NELL1: variants seen among roughly 807,000 people sequenced by gnomAD.
NELL1 encodes protein kinase C-binding protein NELL1.
In NELL1, 76 loss-of-function variants were observed where a neutral mutation model predicts 107.4. That is an observed-to-expected ratio of 0.71 (90% CI 0.59 to 0.86). NELL1 has a LOEUF of 0.86. Among genes scored for constraint, NELL1 ranks in the 40% least tolerant of loss-of-function variants. The probability of loss-of-function intolerance (pLI) is 0.00; values close to 1 mark genes in which losing one functional copy is unlikely to be tolerated. For missense variants in NELL1, 1,024 were observed against 1,005.5 expected, an observed-to-expected ratio of 1.02 and a Z score of -0.25; for synonymous variants, 353 against 341.2, an observed-to-expected ratio of 1.03 and a Z score of -0.38.
At chr11:21,499,360 C>T (rs897444135) in intron 15 of NELL1, among the ~76,000 whole-genome samples, 27 of 152,166 alleles carry the variant, frequency 1.8e-4, no homozygotes, top group African/African-American at 6.3e-4. Context: ...TATTTTCACA[C>T]TCATATATAT....
intron 12 of NELL1, among the ~76,000 whole-genome samples, chr11:21,099,218 CACACACACACACACAA>C (rs1276918670): frequency 5.6e-5 from 8 of 143,006 alleles, no homozygotes; most frequent in African/African-American, 1.6e-4. Context: ...CACACACACA[CACACACACACACACAA>C]ACACACACAC....
At chr11:21,290,157 C>G (rs547821113) in intron 14 of NELL1, among the ~76,000 whole-genome samples, 1 of 152,162 alleles carries the variant, frequency 6.6e-6, no homozygotes, top group Non-Finnish European at 1.5e-5. Flanking sequence ...ATCACGAGGT[C>G]AGGAGATCGA....
intron 14 of NELL1, among the ~76,000 whole-genome samples, chr11:21,353,219 G>A (rs1181480059): frequency 6.6e-6 from 1 of 152,132 alleles, no homozygotes; most frequent in Non-Finnish European, 1.5e-5. Flanking sequence ...GCATGATTGA[G>A]GAACTATACC....
intron 2 of NELL1, chr11:20,769,615 G>C (rs1856601841): frequency 6.6e-6 from 1 of 152,390 alleles, no homozygotes; most frequent in Non-Finnish European, 1.5e-5. Flanking sequence ...TTTTGGATTC[G>C]AGGAGGAAAA....
At chr11:21,233,744 G>T (rs569298232) in intron 14 of NELL1, among the ~76,000 whole-genome samples, 11 of 152,284 alleles carry the variant, frequency 7.2e-5, no homozygotes, top group South Asian at 2.1e-4. Context: ...TCCCAGTCCT[G>T]CATTAATGCC....
At chr11:20,674,648 G>T (rs912806080) in intron 1 of NELL1, 44 of 836,742 alleles carry the variant, frequency 5.3e-5, no homozygotes, top group Non-Finnish European at 9.8e-6. Context: ...AAGGGCACAG[G>T]GTTAGTAGAG....
intron 14 of NELL1, among the ~76,000 whole-genome samples, chr11:21,325,260 G>A (rs1850105001): frequency 6.6e-6 from 1 of 151,824 alleles, no homozygotes; most frequent in African/African-American, 2.4e-5. Context: ...ACTTGTTTTT[G>A]TTAGAATTTA....
chr11:21,302,760 A>T (rs1590818872), intron 14 of NELL1, among the ~76,000 whole-genome samples: 1 of 151,934 alleles, frequency 6.6e-6, no homozygotes, highest in African/African-American at 2.4e-5. Context: ...GGAGAAAACA[A>T]AAAGGAGAAT....
intron 10 of NELL1, among the ~76,000 whole-genome samples, chr11:20,944,778 C>CA (rs1174204322): frequency 1.3e-5 from 2 of 152,016 alleles, no homozygotes; most frequent in African/African-American, 4.8e-5. Flanking sequence ...TTTTCAAATT[C>CA]ATGCAAAAAG....
At chr11:21,415,213 A>G (rs1564883406) in intron 15 of NELL1, among the ~76,000 whole-genome samples, 1 of 152,096 alleles carries the variant, frequency 6.6e-6, no homozygotes, top group African/African-American at 2.4e-5. Flanking sequence ...CTGCTCTTGC[A>G]CTTAGCAACT....
intron 12 of NELL1, among the ~76,000 whole-genome samples, chr11:21,093,608 AAG>A (rs1448858503): frequency 6.6e-6 from 1 of 152,208 alleles, no homozygotes; most frequent in Non-Finnish European, 1.5e-5. Context: ...TTACAAAAGA[AAG>A]AGATTTAATT....
chr11:21,151,924 T>C (rs1856127085), intron 13 of NELL1, among the ~76,000 whole-genome samples: 1 of 152,234 alleles, frequency 6.6e-6, no homozygotes, highest in African/African-American at 2.4e-5. Context: ...TCCATCCATT[T>C]GGCCTGTCTG....
chr11:20,956,189 A>G (rs1189272095), intron 11 of NELL1, among the ~76,000 whole-genome samples: 1 of 152,072 alleles, frequency 6.6e-6, no homozygotes, highest in African/African-American at 2.4e-5. Flanking sequence ...ACTGCACTCC[A>G]GCTTGGGTGA....
At chr11:21,132,878 C>T (rs1042728590) in intron 13 of NELL1, among the ~76,000 whole-genome samples, 73 of 152,212 alleles carry the variant, frequency 4.8e-4, no homozygotes, top group African/African-American at 1.6e-3. Context: ...ATTTCTTGTC[C>T]CGCATCCAGG....
intron 15 of NELL1, among the ~76,000 whole-genome samples, chr11:21,474,263 TC>T: frequency 6.6e-6 from 1 of 152,134 alleles, no homozygotes; most frequent in African/African-American, 2.4e-5. Flanking sequence ...GGGGAATTCA[TC>T]CCCCAGAGAG....
intron 3 of NELL1, among the ~76,000 whole-genome samples, chr11:20,792,603 T>G (rs897493837): frequency 6.6e-6 from 1 of 152,020 alleles, no homozygotes; most frequent in African/African-American, 2.4e-5. Context: ...CTTTTCAGTG[T>G]GCATTTTGAG....
intron 14 of NELL1, among the ~76,000 whole-genome samples, chr11:21,321,392 T>G (rs1850005982): frequency 6.6e-6 from 1 of 151,424 alleles, no homozygotes; most frequent in Admixed American, 6.6e-5. Flanking sequence ...GTGGGGGCAT[T>G]GCTAGAGGGT....
chr11:21,001,377 G>T (rs909745489), intron 12 of NELL1, among the ~76,000 whole-genome samples: 4 of 151,820 alleles, frequency 2.6e-5, no homozygotes, highest in Admixed American at 2.6e-4. Flanking sequence ...CCTCAAGGAT[G>T]CTCTGGAGAA....
chr11:21,047,724 T>C (rs1325804022), intron 12 of NELL1, among the ~76,000 whole-genome samples: 1 of 152,140 alleles, frequency 6.6e-6, no homozygotes, highest in Admixed American at 6.6e-5. Context: ...CCAGGAAATG[T>C]TTAGCCAGAC....
Sources: gnomAD v4.1 joint callset for allele counts (sites outside exome capture counted in the v4.1 genomes callset) on GRCh38, gnomAD v4.1.1 for gene constraint, MANE v1.5 for transcripts, NCBI Gene and HGNC (gene_info 2026-07-23, HGNC 2026-07-21) for gene names.